Variants in CSMD1 observed in about 807,000 individuals in gnomAD.
The protein encoded by CSMD1 is CUB and sushi domain-containing protein 1.
CSMD1 carries 213 observed loss-of-function variants against 417.5 expected under a neutral mutation model. The observed-to-expected ratio is 0.51, with a 90% CI of 0.46 to 0.57. The LOEUF (loss-of-function observed/expected upper bound fraction) is 0.57. Ranked by LOEUF, CSMD1 falls within the 20% of genes least tolerant of loss-of-function variation. The pLI is 0.00. For missense variants in CSMD1, 6,923 were observed against 4,529.7 expected (o/e 1.53, Z -15.17); for synonymous variants, 2,862 against 1,736.8 (o/e 1.65, Z -16.11).
intron 5 of CSMD1, among the ~76,000 whole-genome samples, chr8:3,981,523 AAAGAAC>A (rs984260416): frequency 2.1e-5 from 3 of 143,272 alleles, no homozygotes; most frequent in African/African-American, 8.9e-5. Context: ...AAAAAAAAAA[AAAGAAC>A]ATACAATTGT....
intron 2 of CSMD1, among the ~76,000 whole-genome samples, chr8:4,513,284 T>G (rs967710306): frequency 6.6e-6 from 1 of 152,156 alleles, no homozygotes; most frequent in Non-Finnish European, 1.5e-5. Context: ...AACCTTCCCC[T>G]TAATTTGGCT....
chr8:4,082,956 A>G (rs538387709), intron 3 of CSMD1, among the ~76,000 whole-genome samples: 2 of 151,762 alleles, frequency 1.3e-5, no homozygotes, highest in East Asian at 2.0e-4. Flanking sequence ...ACCATTTTTT[A>G]TGGCTGAATA....
At chr8:3,037,153 T>C (rs752522119) in intron 50 of CSMD1, among the ~76,000 whole-genome samples, 1 of 152,206 alleles carries the variant, frequency 6.6e-6, no homozygotes, top group Non-Finnish European at 1.5e-5. Flanking sequence ...AAGACATTAT[T>C]TCATTCCTTT....
chr8:4,840,288 G>C (rs1800766902), intron 1 of CSMD1, among the ~76,000 whole-genome samples: 1 of 78,484 alleles, frequency 1.3e-5, no homozygotes, highest in African/African-American at 3.9e-5. Flanking sequence ...AAGATGTTTT[G>C]CTACTGTTAC....
chr8:4,671,500 T>G (rs910593553), intron 1 of CSMD1, among the ~76,000 whole-genome samples: 1 of 152,188 alleles, frequency 6.6e-6, no homozygotes, highest in Non-Finnish European at 1.5e-5. Flanking sequence ...ATAATAGCAG[T>G]GATGTCGGCA....
intron 9 of CSMD1, among the ~76,000 whole-genome samples, chr8:3,580,646 A>T (rs1800343442): frequency 6.6e-6 from 1 of 152,194 alleles, no homozygotes; most frequent in Admixed American, 6.5e-5. Flanking sequence ...AAGCTTCAGG[A>T]GTCAGGAAAC....
In CSMD1 at chr8:3,223,821, T is replaced by C. The variant is rs762520623; in HGVS notation, c.4392A>G (p.Ser1464=). Residue 1464 remains serine, a synonymous_variant, in exon 28 of 70, where the codon TCA becomes TCG. Transcript: ENST00000635120. The stretch of plus-strand genomic sequence containing the variant: ...GAGGATACGGCTGTGGGTAGTTGGG[T>C]GACAAAATAACACCTGCTGGGCCCG... The part of the protein sequence containing the change: ...NLTGPAGVIL[S]PNYPQPYPPG... 4.3e-6 allele frequency: 7 copies of C among 1,613,676 alleles called. No individual in the cohort carries two copies. The East Asian group carries it at 6.7e-5, about 15-fold the overall frequency.
chr8:3,514,565 G>A (rs189437835), intron 10 of CSMD1, among the ~76,000 whole-genome samples: 1 of 152,092 alleles, frequency 6.6e-6, no homozygotes, highest in Non-Finnish European at 1.5e-5. Context: ...TATAGTTGGG[G>A]GAATATTCCT....
chr8:3,539,983 G>T (rs1438057040), intron 10 of CSMD1, among the ~76,000 whole-genome samples: 1 of 152,072 alleles, frequency 6.6e-6, no homozygotes, highest in Non-Finnish European at 1.5e-5. Flanking sequence ...GTCTTCTAAA[G>T]CCTGCTTATA....
intron 4 of CSMD1, among the ~76,000 whole-genome samples, chr8:4,028,409 G>GGGT (rs1292337743): frequency 1.3e-5 from 2 of 152,042 alleles, no homozygotes; most frequent in African/African-American, 4.8e-5. Context: ...CTAGCTTGTG[G>GGGT]GGTGGTGGTA....
Position 4,056,764 on chromosome 8 carries a change from C to A in CSMD1, c.416-24665G>T, listed in dbSNP as rs913719087. ...TGCGTTCTCATTGTTCAATTCCCAC[C>A]TATGAGTGAGAACATGCGGTGTTTC... On this transcript the variant is annotated intron_variant, in intron 3 of 69. Transcript: ENST00000635120. Among the ~76,000 whole-genome samples, 6 of 152,148 alleles carry A rather than the reference C, an allele frequency of 3.9e-5. No individual in the cohort carries two copies. The South Asian group carries it at 8.3e-4, about 21-fold the overall frequency.
At chr8:4,432,856 C>T (rs944133824) in intron 2 of CSMD1, among the ~76,000 whole-genome samples, 1 of 152,180 alleles carries the variant, frequency 6.6e-6, no homozygotes. Flanking sequence ...TACCAAGGGT[C>T]TCCAACCGCG....
intron 6 of CSMD1, among the ~76,000 whole-genome samples, chr8:3,749,315 G>A (rs1417640633): frequency 6.6e-6 from 1 of 152,064 alleles, no homozygotes; most frequent in Non-Finnish European, 1.5e-5. Flanking sequence ...ATATATTGTG[G>A]GTTTTTCCCC....
chr8:4,652,759 G>A (rs967725603), intron 1 of CSMD1, among the ~76,000 whole-genome samples: 54 of 152,236 alleles, frequency 3.5e-4, no homozygotes, highest in African/African-American at 1.3e-3. Flanking sequence ...GCACCAGGGC[G>A]GTTTTGTGGA....
intron 1 of CSMD1, among the ~76,000 whole-genome samples, chr8:4,830,025 T>C (rs1800060192): frequency 6.6e-6 from 1 of 152,188 alleles, no homozygotes. Flanking sequence ...CCTGTCCTTC[T>C]CTAAGGCACT....
At chr8:4,100,431 A>C (rs1486071101) in intron 3 of CSMD1, among the ~76,000 whole-genome samples, 1 of 152,200 alleles carries the variant, frequency 6.6e-6, no homozygotes, top group Non-Finnish European at 1.5e-5. Context: ...CGTTCAAAGC[A>C]GAATCAAATT....
intron 3 of CSMD1, among the ~76,000 whole-genome samples, chr8:4,298,132 A>G (rs1797785626): frequency 6.6e-6 from 1 of 152,172 alleles, no homozygotes; most frequent in African/African-American, 2.4e-5. Context: ...CTGGGGACAT[A>G]TTCAAAAATG....
intron 5 of CSMD1, among the ~76,000 whole-genome samples, chr8:3,773,168 T>A (rs964577066): frequency 1.3e-5 from 2 of 152,176 alleles, no homozygotes; most frequent in African/African-American, 4.8e-5. Flanking sequence ...GATTTCAACA[T>A]GAACTCTAGG....
rs146120450 is a variant in CSMD1, at chr8:3,469,839, G to A, written c.1449-1015C>T. Among the ~76,000 whole-genome samples the A allele has an allele frequency of 5.1e-3, 772 of 152,282 alleles. 1 individual carries two copies. The highest frequency in any genetic ancestry group is 7.0e-3 in the Non-Finnish European group (475 of 68,026). ...AATGTTACACACAAATTGAAAAGAG[G>A]AAACTATTTCTGTGAATGCTGTGTG... On this transcript the variant is annotated intron_variant, in intron 11 of 69. Transcript: ENST00000635120.
Sources: allele counts gnomAD v4.1 joint callset (sites outside exome capture counted in the v4.1 genomes callset), GRCh38; gene constraint gnomAD v4.1.1; transcripts MANE v1.5; gene names NCBI Gene and HGNC (gene_info 2026-07-23, HGNC 2026-07-21).